Variants in ELF5 observed in about 807,000 individuals in gnomAD.
The protein encoded by ELF5 is ETS-related transcription factor Elf-5.
Under a neutral mutation model 38.2 loss-of-function variants are expected in ELF5, and 31 were observed. The observed-to-expected ratio is 0.81, with a 90% CI of 0.61 to 1.10. ELF5 has a LOEUF of 1.10. Among genes scored for constraint, ELF5 ranks in the 50% least tolerant of loss-of-function variants. The pLI is 0.00. For missense variants in ELF5, 300 were observed against 306.6 expected (o/e 0.98, Z 0.16); for synonymous variants, 121 against 112.5 (o/e 1.08, Z -0.48).
rs77599610 is a variant in ELF5 at position 34,501,855 on chromosome 11, G to T, written c.121+3774C>A. Among the ~76,000 whole-genome samples the T allele has an allele frequency of 7.3e-3, 1,115 of 152,198 alleles. 13 individuals carry two copies. The highest frequency in any genetic ancestry group is 0.024 in the African/African-American group (1,006 of 41,510). The stretch of plus-strand genomic sequence containing the variant: ...GAGAACAGCTGGTTTTCCTAAATAG[G>T]CTGAGTATTCCACCCTTCCCTCTCC... On this transcript the variant is annotated intron_variant, in intron 2 of 6. Transcript: ENST00000257832.
intron 3 of ELF5, chr11:34,491,499 A>G (rs976339631): frequency 6.6e-6 from 1 of 151,984 alleles, no homozygotes; most frequent in Non-Finnish European, 1.5e-5. Flanking sequence ...TGTATGACCT[A>G]TTAAAAAGCA....
chr11:34,497,322 TAGA>T, intron 2 of ELF5, among the ~76,000 whole-genome samples: 1 of 152,226 alleles, frequency 6.6e-6, no homozygotes, highest in Non-Finnish European at 1.5e-5. Flanking sequence ...TGTCGACCAG[TAGA>T]CCATCATGGG....
chr11:34,501,363 A>G (rs1850462184), intron 2 of ELF5, among the ~76,000 whole-genome samples: 1 of 152,212 alleles, frequency 6.6e-6, no homozygotes, highest in Non-Finnish European at 1.5e-5. Context: ...AGTATAAGCA[A>G]GATTCCAAAG....
In ELF5 at chr11:34,480,248, A is replaced by AT; in HGVS notation, c.737dup (p.Asn246LysfsTer76). On this transcript the variant is annotated frameshift_variant, in exon 7 of 7. Transcript: ENST00000257832. LOFTEE classifies it high-confidence loss of function. ...GCTTGTCTTCCTGCCACCCGTGTGC[A>AT]TTTTTTCCAAATTTGTACACTAACC... 6 of 1,614,060 alleles carry AT rather than the reference A, an allele frequency of 3.7e-6. No individual in the cohort carries two copies. Among genetic ancestry groups the AT allele is most frequent in the Non-Finnish European group, 5.1e-6 (6 of 1,180,012 alleles).
At chr11:34,511,380 C>A (rs1850751430) in intron 1 of ELF5, among the ~76,000 whole-genome samples, 1 of 152,184 alleles carries the variant, frequency 6.6e-6, no homozygotes, top group African/African-American at 2.4e-5. Context: ...TCTGGACCCT[C>A]ACTCACTGCC....
At chr11:34,503,171 T>C (rs1346681045) in intron 2 of ELF5, among the ~76,000 whole-genome samples, 1 of 152,162 alleles carries the variant, frequency 6.6e-6, no homozygotes, top group Non-Finnish European at 1.5e-5. Context: ...CTAATCCTTT[T>C]TTTTTGACCC....
intron 2 of ELF5, among the ~76,000 whole-genome samples, chr11:34,493,934 G>T (rs920430119): frequency 6.6e-6 from 1 of 152,158 alleles, no homozygotes; most frequent in African/African-American, 2.4e-5. Flanking sequence ...TAGAGGGAAT[G>T]ACAGGGGCAA....
intron 2 of ELF5, among the ~76,000 whole-genome samples, chr11:34,503,533 C>G (rs1225766647): frequency 6.6e-6 from 1 of 151,986 alleles, no homozygotes; most frequent in African/African-American, 2.4e-5. Flanking sequence ...ACTGCAGCCT[C>G]GGCCTTCCGG....
At position 34,489,742 on chromosome 11, in the gene ELF5, C is replaced by T. The variant is rs145757615; in HGVS notation, c.406+267G>A. Among the ~76,000 whole-genome samples, 675 of 152,292 alleles carry T rather than the reference C, an allele frequency of 4.4e-3. 6 individuals are homozygous for T. The highest frequency in any genetic ancestry group is 0.016 in the African/African-American group (648 of 41,572). On this transcript the variant is annotated intron_variant, in intron 4 of 6. Coordinates refer to ENST00000257832, the MANE Select transcript of ELF5 (RefSeq NM_001422.4). ...TGTGCATCATTTCTCAAACTTACCA[C>T]GACCCACAAGGGTCACACTATTTTA...
At chr11:34,502,212 T>A (rs992102653) in intron 2 of ELF5, among the ~76,000 whole-genome samples, 14 of 152,232 alleles carry the variant, frequency 9.2e-5, no homozygotes, top group African/African-American at 3.4e-4. Context: ...GCAGGTCACA[T>A]GGCTGGTAAG....
chr11:34,484,281 T>G (rs529870348), intron 4 of ELF5, among the ~76,000 whole-genome samples: 1 of 151,754 alleles, frequency 6.6e-6, no homozygotes, highest in South Asian at 2.1e-4. Flanking sequence ...CACACTATAC[T>G]GTAATAACTG....
intron 4 of ELF5, among the ~76,000 whole-genome samples, chr11:34,489,502 A>G (rs1850103935): frequency 6.6e-6 from 1 of 152,210 alleles, no homozygotes; most frequent in Non-Finnish European, 1.5e-5. Flanking sequence ...AGCCTTCTTC[A>G]TCTGCCCAAG....
intron 4 of ELF5, among the ~76,000 whole-genome samples, chr11:34,488,320 A>G (rs1379651910): frequency 2.0e-5 from 3 of 152,236 alleles, no homozygotes; most frequent in Non-Finnish European, 4.4e-5. Context: ...TGAAGGAAAC[A>G]GGAGAGAAAT....
intron 4 of ELF5, among the ~76,000 whole-genome samples, chr11:34,485,860 C>A (rs3758732): frequency 6.6e-6 from 1 of 151,962 alleles, no homozygotes; most frequent in East Asian, 1.9e-4. Flanking sequence ...GTAGCACCAC[C>A]GTGAACCCAC....
intron 3 of ELF5, chr11:34,492,259 T>A (rs1005519935): frequency 6.6e-6 from 1 of 152,366 alleles, no homozygotes; most frequent in African/African-American, 2.4e-5. Context: ...CCCAGCCATG[T>A]AGTGCCCAAG....
At chr11:34,496,513 C>T (rs1413971125) in intron 2 of ELF5, among the ~76,000 whole-genome samples, 2 of 152,246 alleles carry the variant, frequency 1.3e-5, no homozygotes, top group African/African-American at 2.4e-5. Flanking sequence ...GGAGGCTCCA[C>T]GGCCCAGAGT....
intron 2 of ELF5, among the ~76,000 whole-genome samples, chr11:34,503,966 G>A (rs1850541636): frequency 6.6e-6 from 1 of 152,198 alleles, no homozygotes; most frequent in Non-Finnish European, 1.5e-5. Context: ...GGACACACCA[G>A]GTCTTCATGA....
chr11:34,496,033 C>T (rs945304578), intron 2 of ELF5, among the ~76,000 whole-genome samples: 1 of 150,816 alleles, frequency 6.6e-6, no homozygotes, highest in African/African-American at 2.4e-5. Flanking sequence ...GGAAAGGTTT[C>T]GCCAAGGCTC....
In ELF5 at chr11:34,479,921, A is replaced by G. The variant is rs1453859385; in HGVS notation, c.*297T>C. The G allele has an allele frequency of 1.3e-5, 4 of 315,050 alleles. No individual in the cohort carries two copies. Among genetic ancestry groups the G allele is most frequent in the East Asian group, 1.4e-4 (2 of 14,136 alleles). 19.5% of individuals were successfully genotyped at this position (315,050 alleles called of 1,614,324 possible). On this transcript the variant is annotated 3_prime_UTR_variant, in exon 7 of 7. Coordinates refer to ENST00000257832, the MANE Select transcript of ELF5 (RefSeq NM_001422.4). The stretch of plus-strand genomic sequence containing the variant: ...AATAGTTTTTCTCTGATCAGCATCA[A>G]TGGCATGGGCTGTTGTCATTCCACA...
Sources: allele counts gnomAD v4.1 joint callset (sites outside exome capture counted in the v4.1 genomes callset), GRCh38; gene constraint gnomAD v4.1.1; transcripts MANE v1.5; gene names NCBI Gene and HGNC (gene_info 2026-07-23, HGNC 2026-07-21).